MCUR1: variants seen among roughly 807,000 people sequenced by gnomAD.
MCUR1 encodes the protein mitochondrial calcium uniporter regulator 1.
A neutral mutation model predicts 42.0 loss-of-function variants in MCUR1; 37 were observed. That is an observed-to-expected ratio of 0.88 (90% CI 0.68 to 1.16). The LOEUF (loss-of-function observed/expected upper bound fraction) is 1.16. MCUR1 is among the 50% of genes most tolerant of loss of function. The pLI is 0.00. For synonymous variants in MCUR1, 229 were observed against 196.2 expected, an observed-to-expected ratio of 1.17 and a Z score of -1.40; for missense variants, 469 against 468.4, an observed-to-expected ratio of 1.00 and a Z score of -0.01.
chr6:13,788,177 C>T lies in MCUR1; in HGVS notation c.*2632G>A, dbSNP rs1759642969. The stretch of plus-strand genomic sequence containing the variant: ...GGATTATAGGCATGAGCCACCGCAC[C>T]CAGCATCAGTAAGTTTTAATATTAC... On this transcript the variant is annotated 3_prime_UTR_variant, in exon 9 of 9. Transcript: ENST00000379170. The T allele has an allele frequency of 6.6e-6, 1 of 152,200 alleles. No individual in the cohort carries two copies. The highest frequency in any genetic ancestry group is 1.5e-5 in the Non-Finnish European group (1 of 68,062). The allele number at this position is 152,200 out of a possible 1,614,324, so 9.4% of individuals were successfully genotyped here.
chr6:13,800,476 A>G (rs772765342), intron 4 of MCUR1, 94 bp from the exon 5 acceptor site: 4 of 693,164 alleles, frequency 5.8e-6, no homozygotes, highest in Middle Eastern at 4.9e-4. Flanking sequence ...CAAGTTCCTC[A>G]GGTTTTTCCT....
chr6:13,797,298 T>G (rs1033308782), intron 6 of MCUR1, among the ~76,000 whole-genome samples: 48 of 152,352 alleles, frequency 3.2e-4, no homozygotes, highest in African/African-American at 1.1e-3. Flanking sequence ...CTCATTATGC[T>G]AAGAATAAAA....
intron 1 of MCUR1, among the ~76,000 whole-genome samples, chr6:13,809,851 C>T (rs1007020282): frequency 1.3e-5 from 2 of 151,758 alleles, no homozygotes; most frequent in South Asian, 2.1e-4. Flanking sequence ...CTGCAGTGAG[C>T]TATGATTGCA....
In MCUR1 at chr6:13,813,997, C is replaced by T; in HGVS notation, c.415+18G>A. ...CCCCGCGAGACGAGCCCCCTCTCCT[C>T]TCCCGCCCGGGCCTCACCTCTCCTG... On this transcript the variant is annotated intron_variant, in intron 1 of 8. Transcript: ENST00000379170. 1 of 1,231,332 alleles carries T rather than the reference C, an allele frequency of 8.1e-7. No individual in the cohort carries two copies. 76.3% of individuals were successfully genotyped at this position (1,231,332 alleles called of 1,614,324 possible). A position where few individuals can be genotyped will look rare whatever the true frequency, so the allele number is the denominator to read the frequency against.
intron 6 of MCUR1, 25 bp downstream of exon 6, chr6:13,798,808 A>T: frequency 1.9e-6 from 3 of 1,570,346 alleles, no homozygotes; most frequent in South Asian, 1.1e-5. Context: ...TTAATTCATA[A>T]TGTGTTTTTA....
intron 8 of MCUR1, 111 bp downstream of exon 8, chr6:13,791,767 T>C: frequency 1.4e-6 from 1 of 699,396 alleles, no homozygotes. Context: ...TCAGAGATGT[T>C]AAAATATTTC....
Position 13,787,048 on chromosome 6 carries a change from A to G in MCUR1, c.*3761T>C, listed in dbSNP as rs1255522297. 1.3e-5 allele frequency: 2 copies of G among 152,182 alleles called. No homozygotes were observed. The highest frequency in any genetic ancestry group is 2.4e-5 in the African/African-American group (1 of 41,440). The allele number at this position is 152,182 out of a possible 1,614,324, so 9.4% of individuals were successfully genotyped here. A position where few individuals can be genotyped will look rare whatever the true frequency, so the allele number is the denominator to read the frequency against. The stretch of plus-strand genomic sequence containing the variant: ...GATATGAATTCTATATACCATCTCT[A>G]TATTTGTTTAGAATTTTGCAAAATT... On this transcript the variant is annotated 3_prime_UTR_variant, in exon 9 of 9. Coordinates refer to ENST00000379170, the MANE Select transcript of MCUR1 (RefSeq NM_001031713.4).
chr6:13,804,322 CAAAAAA>C (rs747622585), intron 2 of MCUR1: 9 of 21,078 alleles, frequency 4.3e-4, no homozygotes, highest in Non-Finnish European at 6.3e-4. Context: ...GATTCTGTCT[CAAAAAA>C]AAAAAAAAAA....
Position 13,792,004 on chromosome 6 carries a change from A to C in MCUR1, c.910-12T>G. 2 of 1,605,596 alleles carry C rather than the reference A, an allele frequency of 1.2e-6. No homozygotes were observed. Among genetic ancestry groups the C allele is most frequent in the Non-Finnish European group, 1.7e-6 (2 of 1,172,654 alleles). On this transcript the variant is annotated splice_polypyrimidine_tract_variant and intron_variant, in intron 7 of 8. Coordinates refer to ENST00000379170, the MANE Select transcript of MCUR1 (RefSeq NM_001031713.4). ...TCTTGCTGGGCATGCTTTTAAAATG[A>C]AGAGAGTCACAGCGTTAGACCACAG...
At chr6:13,812,914 G>A (rs1236161703) in intron 1 of MCUR1, among the ~76,000 whole-genome samples, 1 of 152,148 alleles carries the variant, frequency 6.6e-6, no homozygotes, top group Non-Finnish European at 1.5e-5. Context: ...CCAGGGCAGT[G>A]ATCTCTCTCA....
intron 2 of MCUR1, chr6:13,803,593 A>C (rs1261512187): frequency 1.1e-5 from 3 of 271,604 alleles, no homozygotes; most frequent in African/African-American, 4.6e-5. Context: ...TATAATGAAC[A>C]AAAAAACCAA....
chr6:13,801,229 T>C, intron 4 of MCUR1, 59 bp downstream of exon 4: 2 of 1,140,426 alleles, frequency 1.8e-6, no homozygotes, highest in Admixed American at 1.8e-5. Flanking sequence ...TATGTGTATA[T>C]AATTTATCTC....
intron 6 of MCUR1, among the ~76,000 whole-genome samples, chr6:13,796,018 C>T (rs1759845290): frequency 6.6e-6 from 1 of 152,140 alleles, no homozygotes; most frequent in Admixed American, 6.5e-5. Context: ...TTAATTGAAA[C>T]TCTGTGCATT....
At chr6:13,804,535 G>T (rs1302952587) in intron 2 of MCUR1, among the ~76,000 whole-genome samples, 1 of 151,756 alleles carries the variant, frequency 6.6e-6, no homozygotes, top group Admixed American at 6.6e-5. Flanking sequence ...AGCACTTTGG[G>T]AGGCCGAGGC....
chr6:13,800,661 C>T (rs138052872), intron 4 of MCUR1, among the ~76,000 whole-genome samples: 280 of 152,264 alleles, frequency 1.8e-3, no homozygotes, highest in African/African-American at 6.2e-3. Flanking sequence ...TTTAACTAAT[C>T]CTACCCTCAA....
intron 2 of MCUR1, chr6:13,803,765 T>C (rs1760044654): frequency 1.0e-6 from 1 of 985,316 alleles, no homozygotes; most frequent in African/African-American, 1.7e-5. Flanking sequence ...GACTCTGTTT[T>C]CTTTTTTCTC....
At chr6:13,800,299 T>C (rs372712205) in intron 5 of MCUR1, 42 bp downstream of exon 5, 134 of 1,356,940 alleles carry the variant, frequency 9.9e-5, no homozygotes, top group Non-Finnish European at 1.3e-4. Context: ...AATAAGTTTA[T>C]ATAATTACAA....
At chr6:13,812,729 G>A (rs981586305) in intron 1 of MCUR1, among the ~76,000 whole-genome samples, 11 of 152,074 alleles carry the variant, frequency 7.2e-5, no homozygotes, top group African/African-American at 2.7e-4. Flanking sequence ...ACATTTAGTG[G>A]GCCTATCTGT....
intron 6 of MCUR1, among the ~76,000 whole-genome samples, chr6:13,797,847 A>C (rs1759891769): frequency 6.6e-6 from 1 of 151,892 alleles, no homozygotes; most frequent in African/African-American, 2.4e-5. Flanking sequence ...AACATGGTGA[A>C]ACCCTGTCTC....
Sources: allele counts gnomAD v4.1 joint callset (sites outside exome capture counted in the v4.1 genomes callset), GRCh38; gene constraint gnomAD v4.1.1; transcripts MANE v1.5; gene names NCBI Gene and HGNC (gene_info 2026-07-23, HGNC 2026-07-21).